Variants in GAREM1 observed in about 807,000 individuals in gnomAD.
GAREM1 encodes the protein GRB2 associated regulator of MAPK1 subtype 1.
GAREM1 carries 26 observed loss-of-function variants against 71.3 expected under a neutral mutation model. The observed-to-expected ratio is 0.36, with a 90% CI of 0.27 to 0.51. The LOEUF (loss-of-function observed/expected upper bound fraction) is 0.51. Among genes scored for constraint, GAREM1 ranks in the 20% least tolerant of loss-of-function variants. The pLI is 0.95. For missense variants in GAREM1, 1,026 were observed against 1,103.1 expected, an observed-to-expected ratio of 0.93 and a Z score of 0.99; for synonymous variants, 440 against 433.2, an observed-to-expected ratio of 1.02 and a Z score of -0.20.
At chr18:32,410,500 G>A (rs1188956629) in intron 1 of GAREM1, among the ~76,000 whole-genome samples, 3 of 151,936 alleles carry the variant, frequency 2.0e-5, no homozygotes, top group Non-Finnish European at 2.9e-5. Context: ...GGTATGCACC[G>A]CCACACTGGA....
At chr18:32,420,247 C>T (rs1183684628) in intron 1 of GAREM1, among the ~76,000 whole-genome samples, 2 of 152,018 alleles carry the variant, frequency 1.3e-5, no homozygotes, top group African/African-American at 2.4e-5. Context: ...GACTTCCTTT[C>T]TTTGCTCCTT....
At chr18:32,316,255 GTA>G (rs1433080169) in intron 2 of GAREM1, among the ~76,000 whole-genome samples, 1 of 152,192 alleles carries the variant, frequency 6.6e-6, no homozygotes, top group East Asian at 1.9e-4. Context: ...TATGCACATA[GTA>G]TATCAGATTA....
chr18:32,427,758 T>C (rs1298789279), intron 1 of GAREM1, among the ~76,000 whole-genome samples: 1 of 152,210 alleles, frequency 6.6e-6, no homozygotes, highest in Admixed American at 6.5e-5. Context: ...AAATGACTCA[T>C]GAATATTTCC....
chr18:32,417,438 G>GT (rs1364377369), intron 1 of GAREM1, among the ~76,000 whole-genome samples: 1 of 152,158 alleles, frequency 6.6e-6, no homozygotes, highest in East Asian at 1.9e-4. Flanking sequence ...CTGCAGCTCT[G>GT]TTCATCACAG....
chr18:32,468,080 T>C (rs533566746), intron 1 of GAREM1, among the ~76,000 whole-genome samples: 9 of 152,334 alleles, frequency 5.9e-5, no homozygotes, highest in South Asian at 4.1e-4. Context: ...AATGCTCACG[T>C]TGGTGTAAAC....
chr18:32,397,957 G>A (rs1011314025), intron 1 of GAREM1, among the ~76,000 whole-genome samples: 6 of 151,988 alleles, frequency 3.9e-5, no homozygotes, highest in East Asian at 1.9e-4. Flanking sequence ...AAATTATAAC[G>A]AACTGTCTCT....
chr18:32,413,263 T>C, intron 1 of GAREM1: 3 of 1,534,210 alleles, frequency 2.0e-6, no homozygotes, highest in South Asian at 2.3e-5. Flanking sequence ...AACTACATAT[T>C]TGACAGTTTG....
At chr18:32,391,262 A>T (rs1356608860) in intron 2 of GAREM1, among the ~76,000 whole-genome samples, 1 of 152,194 alleles carries the variant, frequency 6.6e-6, no homozygotes, top group Non-Finnish European at 1.5e-5. Context: ...CGACTAATGT[A>T]GCAAGAGTGG....
intron 1 of GAREM1, among the ~76,000 whole-genome samples, chr18:32,428,405 G>C (rs1056189919): frequency 6.6e-6 from 1 of 151,992 alleles, no homozygotes; most frequent in African/African-American, 2.4e-5. Context: ...CTGGATGATG[G>C]GGGTGGTTTC....
chr18:32,263,682 C>T lies in GAREM1; in HGVS notation c.*4189G>A, dbSNP rs1391061742. ...GCCATTGTTAACTGGTAGTTAACAA[C>T]CCAAGTTTTCCAAGCAAAGAAACTG... is the stretch of plus-strand genomic sequence containing the variant. On this transcript the variant is annotated 3_prime_UTR_variant, in exon 6 of 6. Coordinates refer to ENST00000269209, the MANE Select transcript of GAREM1 (RefSeq NM_001242409.2). 6.6e-6 allele frequency: 1 copy of T among 152,060 alleles called. No individual in the cohort carries two copies. The highest frequency in any genetic ancestry group is 1.5e-5 in the Non-Finnish European group (1 of 68,008). 9.4% of individuals were successfully genotyped at this position (152,060 alleles called of 1,614,324 possible). A position where few individuals can be genotyped will look rare whatever the true frequency, so the allele number is the denominator to read the frequency against.
At chr18:32,354,681 C>T (rs1391200646) in intron 2 of GAREM1, among the ~76,000 whole-genome samples, 1 of 152,206 alleles carries the variant, frequency 6.6e-6, no homozygotes, top group African/African-American at 2.4e-5. Context: ...ACTGGCTAAA[C>T]ATGGCCCGGG....
intron 1 of GAREM1, among the ~76,000 whole-genome samples, chr18:32,436,025 CTG>C (rs1174245783): frequency 4.6e-5 from 7 of 152,078 alleles, no homozygotes; most frequent in Admixed American, 2.0e-4. Flanking sequence ...CTGATGAAAA[CTG>C]AGAGTAATTT....
intron 2 of GAREM1, chr18:32,331,453 T>C (rs2047534439): frequency 6.6e-6 from 1 of 152,322 alleles, no homozygotes; most frequent in Admixed American, 6.5e-5. Flanking sequence ...GTGGGCAAAA[T>C]AGTGGACTTA....
intron 4 of GAREM1, among the ~76,000 whole-genome samples, chr18:32,275,803 C>T (rs1426851433): frequency 1.3e-5 from 2 of 152,150 alleles, no homozygotes; most frequent in Admixed American, 6.5e-5. Context: ...CTCAGCCTCC[C>T]GAGTAGCTGG....
At chr18:32,333,645 G>A (rs1283775808) in intron 2 of GAREM1, among the ~76,000 whole-genome samples, 7 of 152,152 alleles carry the variant, frequency 4.6e-5, no homozygotes, top group African/African-American at 1.7e-4. Flanking sequence ...TAATTCAAAG[G>A]AGCCTCCAAT....
At chr18:32,405,275 T>G (rs140022731) in intron 1 of GAREM1, among the ~76,000 whole-genome samples, 2 of 152,288 alleles carry the variant, frequency 1.3e-5, no homozygotes, top group East Asian at 1.9e-4. Flanking sequence ...CTTGGCTCAT[T>G]GCAACCTCCG....
At chr18:32,441,986 A>C (rs1233869965) in intron 1 of GAREM1, among the ~76,000 whole-genome samples, 3 of 149,772 alleles carry the variant, frequency 2.0e-5, no homozygotes, top group Non-Finnish European at 4.4e-5. Flanking sequence ...AGGCAGGTGC[A>C]AATTGTAATT....
Position 32,268,085 on chromosome 18 carries a change from G to C in GAREM1, c.2417C>G (p.Ala806Gly). 1 of 1,614,134 alleles carries C rather than the reference G, an allele frequency of 6.2e-7. No homozygotes were observed. ...CGDGSPWQPP[A>G]DLSGLSIEEV... ...CTCTATAGAGAGTCCTGATAGGTCAGCAGGTGGCTGCCATGGGGAACCGTC... is the reference window on the plus strand; with the variant it reads ...CTCTATAGAGAGTCCTGATAGGTCACCAGGTGGCTGCCATGGGGAACCGTC... The change falls in exon 6 of 6, where the codon GCT (alanine) becomes GGT (glycine). Residue 806 changes from alanine (A) to glycine (G), a missense_variant. By Grantham distance (60) the Ala-to-Gly change is moderately conservative. Around this residue, in one of 3 missense-constraint regions of GAREM1, gnomAD observed 636 missense variants for 631.2 expected, o/e 1.01. Transcript: ENST00000269209.
intron 2 of GAREM1, among the ~76,000 whole-genome samples, chr18:32,345,795 G>C (rs964703352): frequency 6.6e-6 from 1 of 152,156 alleles, no homozygotes; most frequent in African/African-American, 2.4e-5. Flanking sequence ...GTCAGAAAAA[G>C]GGTCCAGCTG....
Sources: allele counts gnomAD v4.1 joint callset (sites outside exome capture counted in the v4.1 genomes callset), GRCh38; gene constraint gnomAD v4.1.1; regional missense constraint gnomAD v4.1.1; transcripts MANE v1.5; gene names NCBI Gene and HGNC (gene_info 2026-07-23, HGNC 2026-07-21).